CLPB: variants seen among roughly 807,000 people sequenced by gnomAD.
CLPB encodes mitochondrial disaggregase.
CLPB carries 40 observed loss-of-function variants against 78.4 expected under a neutral mutation model. The ratio of observed to expected loss-of-function variants is 0.51; its 90% confidence interval spans 0.40 to 0.66. CLPB has a LOEUF of 0.66. Ranked by LOEUF, CLPB falls within the 30% of genes least tolerant of loss-of-function variation. The pLI is 0.00. For missense variants in CLPB, 780 were observed against 886.9 expected (o/e 0.88, Z 1.53); for synonymous variants, 333 against 348.0 (o/e 0.96, Z 0.48).
intron 2 of CLPB, among the ~76,000 whole-genome samples, chr11:72,428,152 A>G (rs1378026478): frequency 6.6e-6 from 1 of 152,222 alleles, no homozygotes; most frequent in East Asian, 1.9e-4. Flanking sequence ...AGTGCCCAGC[A>G]GAGGCCCACT....
chr11:72,329,110 T>C (rs1453815065), intron 6 of CLPB, among the ~76,000 whole-genome samples: 1 of 152,242 alleles, frequency 6.6e-6, no homozygotes, highest in Admixed American at 6.5e-5. Context: ...CAGTAGTTCC[T>C]GAGTTACAGC....
chr11:72,387,626 T>C (rs765958316), intron 3 of CLPB, among the ~76,000 whole-genome samples: 9 of 151,550 alleles, frequency 5.9e-5, no homozygotes, highest in Non-Finnish European at 1.2e-4. Flanking sequence ...GTGCAGGTTA[T>C]AAGTACGTAA....
chr11:72,408,042 T>G (rs1855760793), intron 2 of CLPB: 2 of 1,102,944 alleles, frequency 1.8e-6, no homozygotes, highest in Non-Finnish European at 2.7e-6. Context: ...ATCCTCCCAG[T>G]GTCATAGGAG....
At chr11:72,327,887 C>T (rs1950158146) in intron 6 of CLPB, among the ~76,000 whole-genome samples, 1 of 152,142 alleles carries the variant, frequency 6.6e-6, no homozygotes, top group South Asian at 2.1e-4. Flanking sequence ...CAAGGGCCCC[C>T]GGGGATGGGC....
chr11:72,309,211 G>T (rs1949799362), intron 7 of CLPB, among the ~76,000 whole-genome samples: 1 of 152,214 alleles, frequency 6.6e-6, no homozygotes, highest in Non-Finnish European at 1.5e-5. Context: ...CAGAGATGCT[G>T]ACCATAGCCT....
Position 72,403,173 on chromosome 11 carries a change from A to T in CLPB, c.456-121T>A, listed in dbSNP as rs1855613879. 37 of 928,878 alleles carry T rather than the reference A, an allele frequency of 4.0e-5. No homozygotes were observed. The South Asian group carries it at 5.2e-4, about 13-fold the overall frequency. 57.5% of individuals were successfully genotyped at this position (928,878 alleles called of 1,614,324 possible). ...TGGCTTATCATGGATGTAAAAGTAG[A>T]AACAACCATAGAAGAAATGACATAG... On this transcript the variant is annotated intron_variant, in intron 2 of 15. Coordinates refer to ENST00000538039, the MANE Select transcript of CLPB (RefSeq NM_001258392.3).
intron 3 of CLPB, among the ~76,000 whole-genome samples, chr11:72,388,144 C>A (rs1855140220): frequency 6.6e-6 from 1 of 152,038 alleles, no homozygotes; most frequent in Non-Finnish European, 1.5e-5. Flanking sequence ...GGGCTGCTAA[C>A]CCAATCAAAG....
At position 72,287,472 on chromosome 11, in the gene CLPB, C is replaced by T. The variant is rs1949403938; in HGVS notation, c.*5895G>A. 6.6e-6 allele frequency: 1 copy of T among 152,138 alleles called. No individual in the cohort carries two copies. Among genetic ancestry groups the T allele is most frequent in the South Asian group, 2.1e-4 (1 of 4,822 alleles). 9.4% of individuals were successfully genotyped at this position (152,138 alleles called of 1,614,324 possible). ...TGACTACAGGCAAGCACCATCATGC[C>T]TGGCTAATTTTGGTATTTTTAGTAG... is the stretch of plus-strand genomic sequence containing the variant. On this transcript the variant is annotated 3_prime_UTR_variant, in exon 16 of 16. Transcript: ENST00000538039.
intron 3 of CLPB, among the ~76,000 whole-genome samples, chr11:72,392,168 G>C (rs1030539368): frequency 4.6e-5 from 7 of 152,054 alleles, no homozygotes; most frequent in African/African-American, 1.7e-4. Context: ...TTGAGCTTCA[G>C]AAGAAGCTCC....
At chr11:72,306,033 C>T (rs1340513442) in intron 9 of CLPB, among the ~76,000 whole-genome samples, 5 of 152,192 alleles carry the variant, frequency 3.3e-5, no homozygotes, top group East Asian at 1.9e-4. Context: ...TTGTTTCAAT[C>T]GCTGCCAACC....
intron 11 of CLPB, among the ~76,000 whole-genome samples, chr11:72,300,139 G>T (rs1339525943): frequency 6.6e-6 from 1 of 152,150 alleles, no homozygotes; most frequent in Non-Finnish European, 1.5e-5. Context: ...GGCTGCCTGG[G>T]TTTGAATCCT....
At chr11:72,358,049 G>A (rs979751460) in intron 5 of CLPB, among the ~76,000 whole-genome samples, 1 of 152,226 alleles carries the variant, frequency 6.6e-6, no homozygotes, top group African/African-American at 2.4e-5. Flanking sequence ...CTCTCCCAAG[G>A]AGAGGCAGGA....
intron 5 of CLPB, among the ~76,000 whole-genome samples, chr11:72,346,597 A>G (rs1950518542): frequency 6.6e-6 from 1 of 152,076 alleles, no homozygotes; most frequent in African/African-American, 2.4e-5. Context: ...TAAAAAAAAA[A>G]AAGATGGAGA....
At chr11:72,319,976 C>A (rs969505286) in intron 6 of CLPB, among the ~76,000 whole-genome samples, 1 of 152,182 alleles carries the variant, frequency 6.6e-6, no homozygotes, top group Non-Finnish European at 1.5e-5. Flanking sequence ...AGCCATGAGC[C>A]GAGTCCACTT....
chr11:72,293,372 T>C lies in CLPB; in HGVS notation c.2029A>G (p.Ile677Val). The change falls in exon 16 of 16, where the codon ATC becomes GTC. Residue 677 changes from isoleucine to valine, a missense_variant. This residue lies in a region of CLPB where 272 missense variants were observed against 304.0 expected (regional missense o/e 0.89). Transcript: ENST00000538039. ...TAGGAGCAGGCAGGTGGCTGCTAGA[T>C]GGTGTTGCACACCTTCTCAGGGTGC... ...PLHPEKVCNT[I>V] The C allele has an allele frequency of 1.2e-6, 2 of 1,612,904 alleles. No homozygotes were observed. Among genetic ancestry groups the C allele is most frequent in the Non-Finnish European group, 1.7e-6 (2 of 1,179,034 alleles).
chr11:72,294,429 C>T lies in CLPB; in HGVS notation c.1576G>A (p.Asp526Asn), dbSNP rs758459970. 1.2e-6 allele frequency: 2 copies of T among 1,614,154 alleles called. No homozygotes were observed. The highest frequency in any genetic ancestry group is 8.5e-7 in the Non-Finnish European group (1 of 1,180,032). ...TCATTGATCCGTCCCAGAAACTCAT[C>T]CCTCCGGAAGTGAGCCTGAAGGGCC... ...RPILKAHFRR[D>N]EFLGRINEIV... The change falls in exon 14 of 16, where the codon GAT (aspartate) becomes AAT (asparagine). Residue 526 changes from aspartate (D) to asparagine (N), a missense_variant. Physicochemically the swap from Asp to Asn is conservative, Grantham distance 23. Coordinates refer to ENST00000538039, the MANE Select transcript of CLPB (RefSeq NM_001258392.3).
At chr11:72,340,872 C>T (rs1950408027) in intron 5 of CLPB, among the ~76,000 whole-genome samples, 1 of 152,192 alleles carries the variant, frequency 6.6e-6, no homozygotes, top group African/African-American at 2.4e-5. Context: ...ATTTTTTGAG[C>T]TGGAGTCTCG....
intron 3 of CLPB, among the ~76,000 whole-genome samples, chr11:72,395,208 G>C (rs1315659853): frequency 6.6e-6 from 1 of 152,150 alleles, no homozygotes; most frequent in Non-Finnish European, 1.5e-5. Flanking sequence ...CCTTTTCTGA[G>C]TGTCAGCTTT....
At chr11:72,370,643 A>G (rs1051183867) in intron 4 of CLPB, among the ~76,000 whole-genome samples, 1 of 152,184 alleles carries the variant, frequency 6.6e-6, no homozygotes, top group East Asian at 1.9e-4. Flanking sequence ...ATGCAGGCTG[A>G]TATGGTTGCT....
Sources: allele counts gnomAD v4.1 joint callset (sites outside exome capture counted in the v4.1 genomes callset), GRCh38; gene constraint gnomAD v4.1.1; regional missense constraint gnomAD v4.1.1; transcripts MANE v1.5; gene names NCBI Gene and HGNC (gene_info 2026-07-23, HGNC 2026-07-21).